The following CHST3 variants were observed in gnomAD, a reference collection of about 807,000 sequenced individuals.
CHST3 encodes carbohydrate sulfotransferase 3, also known as C6ST-1.
Under a neutral mutation model 35.4 loss-of-function variants are expected in CHST3, and 20 were observed. The ratio of observed to expected loss-of-function variants is 0.57; its 90% CI spans 0.40 to 0.82. CHST3 has a LOEUF of 0.82. CHST3 is among the 40% of genes least tolerant of loss of function. CHST3 has a pLI of 0.00. For synonymous variants in CHST3, 334 were observed against 295.9 expected (o/e 1.13, Z -1.32); for missense variants, 693 against 670.1 (o/e 1.03, Z -0.38).
intron 1 of CHST3, among the ~76,000 whole-genome samples, chr10:71,985,528 CCA>C (rs1254502703): frequency 6.6e-6 from 1 of 152,202 alleles, no homozygotes; most frequent in African/African-American, 2.4e-5. Context: ...CAGTTGAGGT[CCA>C]GTTTGAACCC....
chr10:71,987,298 GAAGAA>G (rs1417295816), intron 1 of CHST3, among the ~76,000 whole-genome samples: 2 of 152,018 alleles, frequency 1.3e-5, no homozygotes, highest in Non-Finnish European at 2.9e-5. Context: ...AAAAGAATAA[GAAGAA>G]AAGAGGCTGG....
intron 1 of CHST3, among the ~76,000 whole-genome samples, chr10:71,986,793 A>G (rs1254138806): frequency 6.6e-6 from 1 of 152,192 alleles, no homozygotes; most frequent in Non-Finnish European, 1.5e-5. Flanking sequence ...GGAGAGATGT[A>G]CCCAAGAAAT....
chr10:71,992,302 C>T (rs1000833945), intron 1 of CHST3, among the ~76,000 whole-genome samples: 1 of 152,130 alleles, frequency 6.6e-6, no homozygotes, highest in Admixed American at 6.6e-5. Flanking sequence ...CTCAGCCTTC[C>T]GAGTAGTTGG....
chr10:71,992,971 A>G (rs1839911819), intron 1 of CHST3, among the ~76,000 whole-genome samples: 1 of 152,140 alleles, frequency 6.6e-6, no homozygotes, highest in Non-Finnish European at 1.5e-5. Context: ...CAATTTATAG[A>G]ATATTCTAAA....
chr10:71,996,273 A>G (rs532906092), intron 1 of CHST3, among the ~76,000 whole-genome samples: 1 of 152,334 alleles, frequency 6.6e-6, no homozygotes, highest in East Asian at 1.9e-4. Flanking sequence ...AGAGGTTTAA[A>G]TTCCTTGCCT....
chr10:71,989,667 G>A (rs61212298), intron 1 of CHST3, among the ~76,000 whole-genome samples: 3,383 of 152,188 alleles, frequency 0.022, 94 homozygotes, highest in African/African-American at 0.067. Context: ...TGATATTTTA[G>A]TAACATGGTA....
chr10:71,969,932 C>T (rs74148141), intron 1 of CHST3, among the ~76,000 whole-genome samples: 3,012 of 152,302 alleles, frequency 0.02, 101 homozygotes, highest in African/African-American at 0.069. Flanking sequence ...GGAGAGGAGA[C>T]ACTTCTCCTT....
intron 1 of CHST3, among the ~76,000 whole-genome samples, chr10:71,989,537 T>C (rs1454225868): frequency 2.0e-5 from 3 of 152,230 alleles, no homozygotes; most frequent in African/African-American, 4.8e-5. Context: ...ATCACAAAGC[T>C]GCTTAGATGG....
At chr10:71,991,424 G>A (rs1321309798) in intron 1 of CHST3, among the ~76,000 whole-genome samples, 1 of 152,134 alleles carries the variant, frequency 6.6e-6, no homozygotes, top group East Asian at 1.9e-4. Context: ...ATTCATAGGG[G>A]ATTATGTTCA....
In CHST3 at chr10:72,008,155, CACGCGGG is replaced by C; in HGVS notation, c.1125_1131del (p.Gly377CysfsTer15). The C allele has an allele frequency of 6.5e-7, 1 of 1,548,616 alleles. No homozygotes were observed. Among genetic ancestry groups the C allele is most frequent in the Non-Finnish European group, 8.7e-7 (1 of 1,146,474 alleles). On this transcript the variant is annotated frameshift_variant, in exon 3 of 3. Transcript: ENST00000373115. LOFTEE classifies it high-confidence loss of function. ...ATGCTGGTGCGCTACGAGGACGTGG[CACGCGGG>C]CCGCTGCAGAAGGCCCGCGAGATGT... is the stretch of plus-strand genomic sequence containing the variant.
At chr10:71,977,857 A>G (rs563461330) in intron 1 of CHST3, among the ~76,000 whole-genome samples, 15 of 152,134 alleles carry the variant, frequency 9.9e-5, no homozygotes, top group African/African-American at 3.1e-4. Flanking sequence ...TTTAGTAGAG[A>G]CAGGGTTTCA....
intron 1 of CHST3, among the ~76,000 whole-genome samples, chr10:71,974,783 G>A (rs987920788): frequency 6.6e-6 from 1 of 152,106 alleles, no homozygotes; most frequent in African/African-American, 2.4e-5. Flanking sequence ...ATGTAGCAGG[G>A]CCAGGTCAGC....
At chr10:72,004,904 T>C (rs1382353357) in intron 1 of CHST3, among the ~76,000 whole-genome samples, 1 of 152,056 alleles carries the variant, frequency 6.6e-6, no homozygotes, top group Non-Finnish European at 1.5e-5. Flanking sequence ...CCGAGGCAGG[T>C]GGATTGCTTG....
At chr10:71,997,518 T>C (rs966203967) in intron 1 of CHST3, among the ~76,000 whole-genome samples, 1 of 152,172 alleles carries the variant, frequency 6.6e-6, no homozygotes, top group Non-Finnish European at 1.5e-5. Context: ...AGTCCTGCCC[T>C]CTTCTAATGT....
chr10:72,011,458 G>C lies in CHST3; in HGVS notation c.*2987G>C, dbSNP rs1224631004. ...GGATATGGTTGGAGTCACCCATGTGGATATGATTTTCAGCTTGGAGCTGGG... is the reference window on the plus strand; with the variant it reads ...GGATATGGTTGGAGTCACCCATGTGCATATGATTTTCAGCTTGGAGCTGGG... On this transcript the variant is annotated 3_prime_UTR_variant, in exon 3 of 3. Coordinates refer to ENST00000373115, the MANE Select transcript of CHST3 (RefSeq NM_004273.5). The C allele has an allele frequency of 6.6e-6, 1 of 152,282 alleles. No homozygotes were observed. The highest frequency in any genetic ancestry group is 1.9e-4 in the East Asian group (1 of 5,206). 9.4% of individuals were successfully genotyped at this position (152,282 alleles called of 1,614,324 possible). A position where few individuals can be genotyped will look rare whatever the true frequency, so the allele number is the denominator to read the frequency against.
At chr10:71,969,471 A>G (rs1839666975) in intron 1 of CHST3, among the ~76,000 whole-genome samples, 1 of 152,194 alleles carries the variant, frequency 6.6e-6, no homozygotes, top group Non-Finnish European at 1.5e-5. Context: ...AGCCCCCAGT[A>G]CAGATGTCCA....
chr10:71,979,999 T>C (rs1839785355), intron 1 of CHST3, among the ~76,000 whole-genome samples: 1 of 152,160 alleles, frequency 6.6e-6, no homozygotes, highest in Non-Finnish European at 1.5e-5. Flanking sequence ...CCTGAAACAG[T>C]CCTTCCCTTC....
intron 1 of CHST3, among the ~76,000 whole-genome samples, chr10:71,974,460 G>T (rs55981934): frequency 0.12 from 17,987 of 152,218 alleles, 1,040 homozygotes; most frequent in Admixed American, 0.16. Context: ...AGATTGGAGA[G>T]ACATGGCAGG....
At position 72,007,408 on chromosome 10, in the gene CHST3, C is replaced by T. The variant is rs371091098; in HGVS notation, c.377C>T (p.Pro126Leu). The T allele has an allele frequency of 5.9e-5, 95 of 1,605,042 alleles. No individual in the cohort carries two copies. Among genetic ancestry groups the T allele is most frequent in the Non-Finnish European group, 7.7e-5 (91 of 1,178,430 alleles). Residue 126 changes from proline to leucine, a missense_variant, in exon 3 of 3, where the codon CCG (proline) becomes CTG (leucine). Coordinates refer to ENST00000373115, the MANE Select transcript of CHST3 (RefSeq NM_004273.5). ...EQRKEEEPPRPAVAGPRRHVL... is the reference protein window; with the variant it reads ...EQRKEEEPPRLAVAGPRRHVL... ...AGAAAGGAGGAGGAGCCGCCCAGAC[C>T]GGCCGTGGCGGGGCCCCGGCGCCAC...
Sources: gnomAD v4.1 joint callset for allele counts (sites outside exome capture counted in the v4.1 genomes callset) on GRCh38, gnomAD v4.1.1 for gene constraint, MANE v1.5 for transcripts, NCBI Gene and HGNC (gene_info 2026-07-23, HGNC 2026-07-21) for gene names.